GALNT9: variants seen among roughly 807,000 people sequenced by gnomAD.
The protein encoded by GALNT9 is GalNAc transferase 9.
A neutral mutation model predicts 63.1 loss-of-function variants in GALNT9; 47 were observed. The observed-to-expected ratio is 0.75, with a 90% CI of 0.59 to 0.95. The LOEUF (loss-of-function observed/expected upper bound fraction) is 0.95, where lower values mean the gene tolerates loss of function less well. Ranked by LOEUF, GALNT9 falls within the 40% of genes least tolerant of loss-of-function variation. The probability of loss-of-function intolerance (pLI) is 0.00; values close to 1 mark genes in which losing one functional copy is unlikely to be tolerated. For synonymous variants in GALNT9, 396 were observed against 365.7 expected, an observed-to-expected ratio of 1.08 and a Z score of -0.94; for missense variants, 829 against 874.8, an observed-to-expected ratio of 0.95 and a Z score of 0.66.
At chr12:132,237,021 C>T (rs1287655384) in intron 6 of GALNT9, among the ~76,000 whole-genome samples, 1 of 152,268 alleles carries the variant, frequency 6.6e-6, no homozygotes, top group Non-Finnish European at 1.5e-5. Context: ...CATGGGATTC[C>T]GCCCAGGTCC....
chr12:132,225,262 A>C (rs1456175591), intron 6 of GALNT9, among the ~76,000 whole-genome samples: 4 of 123,022 alleles, frequency 3.3e-5, no homozygotes, highest in Non-Finnish European at 3.3e-5. Flanking sequence ...TACACCCCCC[A>C]CACACCACAC....
chr12:132,281,723 G>C (rs1880350966), intron 2 of GALNT9, among the ~76,000 whole-genome samples: 1 of 152,234 alleles, frequency 6.6e-6, no homozygotes, highest in Non-Finnish European at 1.5e-5. Context: ...CTACACCTGG[G>C]GGGAGGCAGC....
At position 132,257,702 on chromosome 12, in the gene GALNT9, ACTCGTCGCCGCGG is replaced by A; in HGVS notation, c.933_945del (p.Arg312GlnfsTer9). 1 of 1,549,298 alleles carries A rather than the reference ACTCGTCGCCGCGG, an allele frequency of 6.5e-7. No homozygotes were observed. The highest frequency in any genetic ancestry group is 8.7e-7 in the Non-Finnish European group (1 of 1,146,530). On this transcript the variant is annotated frameshift_variant, in exon 5 of 11. Coordinates refer to ENST00000328957, the MANE Select transcript of GALNT9 (RefSeq NM_001122636.2). LOFTEE classifies it high-confidence loss of function. ...GGCGCAGCTCACCTGATGGGTGCTG[ACTCGTCGCCGCGG>A]TCCAGCCAGTCCTGCGGGGGGATGA...
At chr12:132,302,108 A>G (rs1047138595) in intron 1 of GALNT9, among the ~76,000 whole-genome samples, 2 of 152,160 alleles carry the variant, frequency 1.3e-5, no homozygotes, top group Non-Finnish European at 2.9e-5. Flanking sequence ...GTGCCAAGTC[A>G]TTTTCCAGAA....
chr12:132,225,005 A>G (rs1424740933), intron 6 of GALNT9, among the ~76,000 whole-genome samples: 5 of 118,998 alleles, frequency 4.2e-5, no homozygotes, highest in Admixed American at 8.4e-5. Context: ...CCTATACACT[A>G]TACGTACACC....
chr12:132,217,192 C>T (rs1227305649), intron 6 of GALNT9, among the ~76,000 whole-genome samples: 2 of 151,984 alleles, frequency 1.3e-5, no homozygotes, highest in African/African-American at 4.8e-5. Flanking sequence ...GCGGACTCAT[C>T]CATCCATCCA....
At chr12:132,209,176 C>T (rs1227578862) in intron 6 of GALNT9, among the ~76,000 whole-genome samples, 3 of 152,112 alleles carry the variant, frequency 2.0e-5, no homozygotes, top group Non-Finnish European at 4.4e-5. Context: ...CTCTAAGTCA[C>T]AGGATGAGAT....
chr12:132,224,898 GCA>G (rs1263287508), intron 6 of GALNT9, among the ~76,000 whole-genome samples: 5 of 121,840 alleles, frequency 4.1e-5, no homozygotes, highest in African/African-American at 1.3e-4. Flanking sequence ...AATCCACACT[GCA>G]CACACTGTAT....
intron 1 of GALNT9, among the ~76,000 whole-genome samples, chr12:132,305,522 C>G (rs1486364941): frequency 7.2e-6 from 1 of 138,268 alleles, no homozygotes; most frequent in South Asian, 2.3e-4. Flanking sequence ...GGCACAGCCT[C>G]ACCCGGGCAC....
At chr12:132,289,607 TG>T (rs1409835099) in intron 1 of GALNT9, among the ~76,000 whole-genome samples, 8 of 152,176 alleles carry the variant, frequency 5.3e-5, no homozygotes, top group Admixed American at 1.3e-4. Context: ...GTCACTTGCA[TG>T]GGGGTTAGGG....
In GALNT9 at chr12:132,249,856, C is replaced by T. The variant is rs28612979; in HGVS notation, c.960-1829G>A. The stretch of plus-strand genomic sequence containing the variant: ...AGGCTCGCGTGGGGCTGCCTGTCAC[C>T]GTGGTGACAGCCTCCCCTCGGGGCG... On this transcript the variant is annotated intron_variant, in intron 5 of 10. Transcript: ENST00000328957. 4.6e-3 allele frequency among the ~76,000 whole-genome samples: 707 copies of T among 152,314 alleles called. 20 individuals are homozygous for T. In the East Asian group the frequency reaches 0.065, roughly 14 times the overall value.
chr12:132,326,048 G>A (rs77287174), intron 1 of GALNT9, among the ~76,000 whole-genome samples: 2 of 152,394 alleles, frequency 1.3e-5, no homozygotes, highest in African/African-American at 4.8e-5. Flanking sequence ...ATGGACACAG[G>A]GGTAGGCCCT....
intron 2 of GALNT9, among the ~76,000 whole-genome samples, chr12:132,268,778 A>G (rs1209609698): frequency 6.6e-6 from 1 of 152,134 alleles, no homozygotes; most frequent in Admixed American, 6.6e-5. Context: ...GCACGTGCGC[A>G]GGTGCCCCCC....
At chr12:132,237,915 C>T (rs2136895707) in intron 6 of GALNT9, among the ~76,000 whole-genome samples, 2 of 152,312 alleles carry the variant, frequency 1.3e-5, no homozygotes, top group South Asian at 4.1e-4. Flanking sequence ...ACCCCCGTGC[C>T]AGGCCTGCCC....
intron 6 of GALNT9, among the ~76,000 whole-genome samples, chr12:132,204,300 G>T (rs934990879): frequency 6.6e-6 from 1 of 152,064 alleles, no homozygotes; most frequent in Non-Finnish European, 1.5e-5. Context: ...CTTCCTATAC[G>T]TGCTCTTTCA....
At chr12:132,260,379 G>A (rs1198703626) in intron 4 of GALNT9, among the ~76,000 whole-genome samples, 13 of 152,260 alleles carry the variant, frequency 8.5e-5, no homozygotes, top group South Asian at 6.2e-4. Flanking sequence ...GCTCCGAGCC[G>A]CCCAGAAGGG....
rs565050431 is a variant in GALNT9, at chr12:132,255,228, G to A, written c.959+2461C>T. 2.6e-3 allele frequency among the ~76,000 whole-genome samples: 390 copies of A among 152,316 alleles called. 3 individuals are homozygous for A. Among genetic ancestry groups the A allele is most frequent in the African/African-American group, 8.4e-3 (350 of 41,560 alleles). On this transcript the variant is annotated intron_variant, in intron 5 of 10. Transcript: ENST00000328957. Reference sequence around the variant, plus strand: ...AATTCTGGAACACTAAAACACAGATGTTAAGTCTGACCAAACAGACTCTTT... The same window carrying A: ...AATTCTGGAACACTAAAACACAGATATTAAGTCTGACCAAACAGACTCTTT...
chr12:132,303,433 G>GCACAGAACCGCCCAGA (rs1881397868), intron 1 of GALNT9, among the ~76,000 whole-genome samples: 1 of 95,272 alleles, frequency 1.0e-5, no homozygotes, highest in Admixed American at 1.0e-4. Flanking sequence ...CCTCGCCCGG[G>GCACAGAACCGCCCAGA]CACACCCTCG....
Position 132,310,739 on chromosome 12 carries a change from G to A in GALNT9, c.238+18227C>T, listed in dbSNP as rs945736950. ...AGAGGCGGCCGGGCACAAGATAATC[G>A]GGGAGGAAGGGGCAGAGGGAGCGCG... is the stretch of plus-strand genomic sequence containing the variant. On this transcript the variant is annotated intron_variant, in intron 1 of 10. Coordinates refer to ENST00000328957, the MANE Select transcript of GALNT9 (RefSeq NM_001122636.2). This position sits in a 1 kb window ranked among gnomAD's most constrained non-coding sequence, Gnocchi z 4.8. 1.1e-4 allele frequency among the ~76,000 whole-genome samples: 17 copies of A among 152,124 alleles called. No homozygotes were observed. In the East Asian group the frequency reaches 1.7e-3, roughly 16 times the overall value.
Sources: allele counts gnomAD v4.1 joint callset (sites outside exome capture counted in the v4.1 genomes callset), GRCh38; gene constraint gnomAD v4.1.1; non-coding constraint Gnocchi (gnomAD v3.1); transcripts MANE v1.5; gene names NCBI Gene and HGNC (gene_info 2026-07-23, HGNC 2026-07-21).